Variants in TENM2 observed in about 807,000 individuals in gnomAD.
TENM2 encodes teneurin transmembrane protein 2, also known as teneurin-2.
In TENM2, 52 loss-of-function variants were observed where a neutral mutation model predicts 245.2. The observed-to-expected ratio is 0.21, with a 90% CI of 0.17 to 0.27. TENM2 has a LOEUF of 0.27. Ranked by LOEUF, TENM2 falls within the 10% of genes least tolerant of loss-of-function variation. The pLI is 1.00. For missense variants in TENM2, 3,046 were observed against 3,666.8 expected, an observed-to-expected ratio of 0.83 and a Z score of 4.37; for synonymous variants, 1,363 against 1,438.9, an observed-to-expected ratio of 0.95 and a Z score of 1.19.
intron 12 of TENM2, among the ~76,000 whole-genome samples, chr5:168,155,255 A>G (rs1757050100): frequency 2.6e-5 from 4 of 152,162 alleles, no homozygotes; most frequent in Non-Finnish European, 1.5e-5. Flanking sequence ...TTCAACTACA[A>G]AGAGCTCTGG....
At chr5:167,462,189 C>CCCG (rs1554159749) in intron 2 of TENM2, among the ~76,000 whole-genome samples, 1 of 132,516 alleles carries the variant, frequency 7.5e-6, no homozygotes, top group Non-Finnish European at 1.6e-5. Flanking sequence ...CCACCCCCCC[C>CCCG]CCCCATTGCA....
chr5:167,315,728 A>G (rs1009626015), intron 1 of TENM2, among the ~76,000 whole-genome samples: 5 of 152,158 alleles, frequency 3.3e-5, no homozygotes, highest in African/African-American at 1.2e-4. Context: ...AAGGAGAAAC[A>G]GGGAAAGACA....
the TENM2 span, among the ~76,000 whole-genome samples, chr5:167,078,909 T>C: frequency 6.6e-6 from 1 of 152,100 alleles, no homozygotes; most frequent in East Asian, 1.9e-4. Flanking sequence ...TGCAGTACCA[T>C]GCTTGGGGGC....
chr5:167,549,487 T>C (rs913268751), intron 2 of TENM2, among the ~76,000 whole-genome samples: 6 of 151,994 alleles, frequency 3.9e-5, no homozygotes, highest in African/African-American at 1.5e-4. Flanking sequence ...ATAAATCAGA[T>C]ATTTATACAT....
chr5:168,082,805 C>T (rs1792119362), intron 7 of TENM2, among the ~76,000 whole-genome samples: 1 of 152,152 alleles, frequency 6.6e-6, no homozygotes, highest in Non-Finnish European at 1.5e-5. Flanking sequence ...CCTGATCCTT[C>T]CTCTGGAAGC....
chr5:166,988,287 A>G, the TENM2 span, among the ~76,000 whole-genome samples: 3 of 152,170 alleles, frequency 2.0e-5, no homozygotes, highest in African/African-American at 7.2e-5. Flanking sequence ...GTTGATCTGA[A>G]TCAGAGAAGC....
chr5:168,078,443 A>G (rs1791676262), intron 7 of TENM2, among the ~76,000 whole-genome samples: 1 of 151,874 alleles, frequency 6.6e-6, no homozygotes, highest in African/African-American at 2.4e-5. Flanking sequence ...ATTAGATCCC[A>G]TTTGTCAATT....
At chr5:167,010,421 A>G in the TENM2 span, among the ~76,000 whole-genome samples, 1 of 152,196 alleles carries the variant, frequency 6.6e-6, no homozygotes, top group African/African-American at 2.4e-5. Flanking sequence ...TGTATCTTTT[A>G]GGAAGTCAAA....
chr5:167,921,144 G>A (rs554824285), intron 3 of TENM2, among the ~76,000 whole-genome samples: 37 of 152,320 alleles, frequency 2.4e-4, no homozygotes, highest in Non-Finnish European at 4.3e-4. Flanking sequence ...ATTACTGGCA[G>A]CGTCTTCATC....
At chr5:167,130,201 T>C in the TENM2 span, among the ~76,000 whole-genome samples, 1 of 152,228 alleles carries the variant, frequency 6.6e-6, no homozygotes, top group Non-Finnish European at 1.5e-5. Context: ...AGTAACACTA[T>C]GTAAAGAATA....
chr5:168,007,343 C>T (rs1434360907), intron 5 of TENM2, among the ~76,000 whole-genome samples: 8 of 152,062 alleles, frequency 5.3e-5, no homozygotes, highest in Admixed American at 3.9e-4. Context: ...TGGCCAGGCT[C>T]GTCTCGGACT....
chr5:167,506,028 A>G (rs922523572), intron 2 of TENM2, among the ~76,000 whole-genome samples: 1 of 152,236 alleles, frequency 6.6e-6, no homozygotes, highest in East Asian at 1.9e-4. Flanking sequence ...TTAAAAAAAA[A>G]ATGTTATTTC....
intron 12 of TENM2, among the ~76,000 whole-genome samples, chr5:168,135,654 C>T (rs1754986058): frequency 6.6e-6 from 1 of 151,932 alleles, no homozygotes. Context: ...TAAACAGTCT[C>T]AGGATAATTA....
At chr5:167,716,911 ATTTTATTTTATTTTATTTTATT>A in intron 2 of TENM2, among the ~76,000 whole-genome samples, 1 of 114,742 alleles carries the variant, frequency 8.7e-6, no homozygotes, top group Non-Finnish European at 1.9e-5. Flanking sequence ...ATTTTATTTT[ATTTTATTTTATTTTATTTTATT>A]TTATTTTATT....
At chr5:167,620,668 G>T (rs1380894120) in intron 2 of TENM2, among the ~76,000 whole-genome samples, 1 of 143,368 alleles carries the variant, frequency 7.0e-6, no homozygotes, top group African/African-American at 2.6e-5. Flanking sequence ...ATTTGTAAAT[G>T]ACAGAGCTCC....
intron 2 of TENM2, among the ~76,000 whole-genome samples, chr5:167,690,424 A>G: frequency 6.6e-6 from 1 of 152,134 alleles, no homozygotes; most frequent in Non-Finnish European, 1.5e-5. Context: ...TAGATTTGCC[A>G]AAGAGCTCCT....
chr5:167,380,179 A>C (rs10475517), intron 2 of TENM2, among the ~76,000 whole-genome samples: 4,259 of 152,202 alleles, frequency 0.028, 203 homozygotes, highest in African/African-American at 0.097. Flanking sequence ...AATTCCCTCA[A>C]AGTCCAGGTA....
chr5:167,192,093 C>T, the TENM2 span, among the ~76,000 whole-genome samples: 1 of 152,150 alleles, frequency 6.6e-6, no homozygotes, highest in African/African-American at 2.4e-5. Flanking sequence ...TGAAGCTACT[C>T]TAGGTACAGA....
At chr5:168,043,543 AC>A (rs2152021186) in intron 5 of TENM2, among the ~76,000 whole-genome samples, 1 of 152,326 alleles carries the variant, frequency 6.6e-6, no homozygotes, top group African/African-American at 2.4e-5. Flanking sequence ...AAGGACCTTA[AC>A]CCAATAAAAC....
Sources: gnomAD v4.1 joint callset for allele counts (sites outside exome capture counted in the v4.1 genomes callset) on GRCh38, gnomAD v4.1.1 for gene constraint, MANE v1.5 for transcripts, NCBI Gene and HGNC (gene_info 2026-07-23, HGNC 2026-07-21) for gene names.